CCDC149: variants seen among roughly 807,000 people sequenced by gnomAD.
The protein encoded by CCDC149 is coiled-coil domain-containing protein 149.
In CCDC149, 45 loss-of-function variants were observed where a neutral mutation model predicts 59.9. The ratio of observed to expected loss-of-function variants is 0.75; its 90% CI spans 0.59 to 0.96. CCDC149 has a LOEUF of 0.96. Among genes scored for constraint, CCDC149 ranks in the 40% least tolerant of loss-of-function variants. The pLI is 0.00. For synonymous variants in CCDC149, 245 were observed against 260.6 expected, an observed-to-expected ratio of 0.94 and a Z score of 0.58; for missense variants, 584 against 664.7, an observed-to-expected ratio of 0.88 and a Z score of 1.33.
Position 24,963,272 on chromosome 4 carries a change from C to A in CCDC149, c.-65+16797G>T, listed in dbSNP as rs534823494. Among the ~76,000 whole-genome samples the A allele has an allele frequency of 3.3e-5, 5 of 150,178 alleles. No individual in the cohort carries two copies. In the South Asian group the frequency reaches 8.7e-4, roughly 26 times the overall value. On this transcript the variant is annotated intron_variant, in intron 1 of 12. Coordinates refer to the CCDC149 transcript ENST00000389609. The stretch of plus-strand genomic sequence containing the variant: ...TCTCTGCCAAGGTAGGTCAGTAAGA[C>A]TGAACAGAGAGTTGATCCTCCACTC...
In CCDC149 at chr4:24,831,540, T is replaced by A. The variant is rs1453032966; in HGVS notation, c.931A>T (p.Asn311Tyr). Residue 311 changes from asparagine to tyrosine, a missense_variant, in exon 9 of 13, where the codon AAC becomes TAC. Coordinates refer to ENST00000635206, the MANE Select transcript of CCDC149 (RefSeq NM_001330643.2). ...TGCCTCTGGTGCTGAATGACCATGT[T>A]TTTCTCGTGGATTGTTTCCAACAGG... is the stretch of plus-strand genomic sequence containing the variant. 1 of 1,614,084 alleles carries A rather than the reference T, an allele frequency of 6.2e-7. No individual in the cohort carries two copies. The highest frequency in any genetic ancestry group is 1.1e-5 in the South Asian group (1 of 91,058).
chr4:24,821,154 T>C, intron 10 of CCDC149, 67 bp from the exon 11 acceptor site: 2 of 887,566 alleles, frequency 2.3e-6, no homozygotes, highest in Non-Finnish European at 3.0e-6. Context: ...AAGTTGCACC[T>C]AGACCAAACA....
intron 1 of CCDC149, among the ~76,000 whole-genome samples, chr4:24,934,625 A>G (rs1722687621): frequency 6.6e-6 from 1 of 152,204 alleles, no homozygotes; most frequent in South Asian, 2.1e-4. Context: ...ACAAAGAGTG[A>G]CTGGGAGTAG....
In CCDC149 at chr4:24,909,533, C is replaced by G. The variant is rs556287359; in HGVS notation, c.63+3284G>C. Among the ~76,000 whole-genome samples the G allele has an allele frequency of 1.2e-3, 181 of 152,280 alleles. 1 individual carries two copies. The highest frequency in any genetic ancestry group is 1.9e-3 in the Non-Finnish European group (131 of 68,026). ...AAGGCAGATCAGGGGGCTGCAACCC[C>G]AGGCACTTTTCAGCAGTAGGTGTAT... On this transcript the variant is annotated intron_variant, in intron 1 of 12. Transcript: ENST00000635206.
chr4:24,831,928 G>A (rs889746384), intron 8 of CCDC149, among the ~76,000 whole-genome samples: 5 of 152,112 alleles, frequency 3.3e-5, no homozygotes, highest in East Asian at 1.9e-4. Context: ...AATGACTAAC[G>A]CATAAAGTCT....
chr4:24,881,379 T>C (rs1719832918), intron 1 of CCDC149, among the ~76,000 whole-genome samples: 1 of 152,106 alleles, frequency 6.6e-6, no homozygotes, highest in South Asian at 2.1e-4. Context: ...GGAAGGCACT[T>C]GAGAGGGGAG....
At chr4:24,818,438 G>C (rs958641458) in intron 12 of CCDC149, among the ~76,000 whole-genome samples, 6 of 152,202 alleles carry the variant, frequency 3.9e-5, no homozygotes, top group African/African-American at 1.2e-4. Context: ...GTCTGAGCAA[G>C]AGAAGATGGA....
downstream of CCDC149, among the ~76,000 whole-genome samples, chr4:24,803,871 G>T (rs1713995124): frequency 1.3e-5 from 2 of 152,174 alleles, no homozygotes. The surrounding 1 kb of genome is among the most constrained non-coding windows in gnomAD (Gnocchi z 4.3). Flanking sequence ...ATTTTAAATT[G>T]CCTTCATGCT....
In CCDC149 at chr4:24,912,960, GC is replaced by G; in HGVS notation, c.-82del. 1.4e-6 allele frequency: 1 copy of G among 726,746 alleles called. No individual in the cohort carries two copies. The allele number at this position is 726,746 out of a possible 1,614,324, so 45.0% of individuals were successfully genotyped here. On this transcript the variant is annotated 5_prime_UTR_variant, in exon 1 of 13. Coordinates refer to ENST00000635206, the MANE Select transcript of CCDC149 (RefSeq NM_001330643.2). ...GCCGCCGCCGCCCGGGCCCCGCGCG[GC>G]CCCGAGAGGGCCCGGCGCCTCCGAG...
At chr4:24,866,264 C>T (rs1043725085) in intron 3 of CCDC149, among the ~76,000 whole-genome samples, 2 of 152,118 alleles carry the variant, frequency 1.3e-5, no homozygotes, top group African/African-American at 2.4e-5. Context: ...CAACAGCTCC[C>T]TCCTGGACCA....
intron 4 of CCDC149, among the ~76,000 whole-genome samples, chr4:24,852,308 A>C (rs1372350559): frequency 6.6e-6 from 1 of 151,494 alleles, no homozygotes; most frequent in South Asian, 2.1e-4. Flanking sequence ...ACACACACAC[A>C]CACACACACA....
chr4:24,924,668 C>T (rs531034352), intron 1 of CCDC149, among the ~76,000 whole-genome samples: 14 of 152,294 alleles, frequency 9.2e-5, no homozygotes, highest in East Asian at 3.9e-4. Flanking sequence ...TTTCTCATGG[C>T]GCCATGGAGT....
chr4:24,933,586 G>A (rs535546761), intron 1 of CCDC149, among the ~76,000 whole-genome samples: 1 of 152,288 alleles, frequency 6.6e-6, no homozygotes, highest in Admixed American at 6.5e-5. Flanking sequence ...GCCAGGCATT[G>A]TTCCAAGCAC....
At chr4:24,864,345 G>T (rs56396166) in intron 3 of CCDC149, among the ~76,000 whole-genome samples, 5,073 of 152,264 alleles carry the variant, frequency 0.033, 118 homozygotes, top group Non-Finnish European at 0.049. Context: ...CACTATTGTA[G>T]AAACTAAGAT....
chr4:24,846,905 A>G (rs958916419), intron 4 of CCDC149, among the ~76,000 whole-genome samples: 10 of 152,232 alleles, frequency 6.6e-5, no homozygotes, highest in African/African-American at 2.2e-4. Context: ...CATAATCTTT[A>G]AAGTAAACAG....
chr4:24,863,817 C>T (rs1198504502), intron 3 of CCDC149, among the ~76,000 whole-genome samples: 1 of 152,214 alleles, frequency 6.6e-6, no homozygotes, highest in African/African-American at 2.4e-5. Flanking sequence ...CCTGCACTTA[C>T]CTATTTAGGA....
intron 4 of CCDC149, among the ~76,000 whole-genome samples, chr4:24,850,651 G>A (rs1002443931): frequency 2.6e-5 from 4 of 152,142 alleles, no homozygotes; most frequent in African/African-American, 9.7e-5. Context: ...CCATGATCAT[G>A]GAGGCCTAGG....
intron 1 of CCDC149, among the ~76,000 whole-genome samples, chr4:24,964,818 A>G (rs1223503805): frequency 6.6e-6 from 1 of 152,224 alleles, no homozygotes; most frequent in African/African-American, 2.4e-5. Flanking sequence ...ACAAATTTTA[A>G]AATCTTGAAG....
intron 12 of CCDC149, among the ~76,000 whole-genome samples, chr4:24,814,267 C>T (rs1688326839): frequency 6.6e-6 from 1 of 152,136 alleles, no homozygotes; most frequent in African/African-American, 2.4e-5. Flanking sequence ...GCAAGCCTTG[C>T]TTTTTAAAAA....
Sources: allele counts gnomAD v4.1 joint callset (sites outside exome capture counted in the v4.1 genomes callset), GRCh38; gene constraint gnomAD v4.1.1; non-coding constraint Gnocchi (gnomAD v3.1); transcripts MANE v1.5; gene names NCBI Gene and HGNC (gene_info 2026-07-23, HGNC 2026-07-21).